The following CASK variants were observed in gnomAD, a reference collection of about 807,000 sequenced individuals.
CASK encodes peripheral plasma membrane protein CASK.
Under a neutral mutation model 82.9 loss-of-function variants are expected in CASK, and 4 were observed. The observed-to-expected ratio is 0.05, with a 90% CI of 0.02 to 0.11. The LOEUF is 0.11. CASK is among the 10% of genes least tolerant of loss of function. The pLI, the probability that CASK is intolerant of heterozygous loss-of-function variation, is 1.00. For missense variants in CASK, 358 were observed against 720.9 expected (o/e 0.50, Z 5.76); for synonymous variants, 259 against 253.5 (o/e 1.02, Z -0.20).
chrX:41,727,895 CA>C (rs1158686199), intron 5 of CASK: 11 of 1,204,589 alleles, frequency 9.1e-6, no homozygotes, highest in Non-Finnish European at 1.2e-5. Flanking sequence ...TTAATAGAAA[CA>C]AAAAACATTC....
chrX:41,548,537 T>TG (rs746199986), intron 21 of CASK, among the ~76,000 whole-genome samples: 2 of 111,865 alleles, frequency 1.8e-5, no homozygotes, highest in Admixed American at 9.6e-5. Context: ...TATTTTTGGT[T>TG]GGGGGAAAGA....
chrX:41,759,860 T>C (rs1298160941), intron 3 of CASK, among the ~76,000 whole-genome samples: 1 of 112,306 alleles, frequency 8.9e-6, no homozygotes, highest in Non-Finnish European at 1.9e-5. Flanking sequence ...TGAGAACTGT[T>C]CTAATGTCCA....
chrX:41,785,920 T>C (rs62589177), intron 3 of CASK, among the ~76,000 whole-genome samples: 18,235 of 111,471 alleles, frequency 0.16, 1,434 homozygotes, highest in Middle Eastern at 0.31. Context: ...GCTCATACTC[T>C]CACTTGTCCT....
At chrX:41,559,518 T>C in intron 18 of CASK, 1 of 376,591 alleles carries the variant, frequency 2.7e-6, no homozygotes, top group Non-Finnish European at 4.7e-6. Context: ...TTAAGCCTTA[T>C]GTCATCATTT....
At position 41,561,768 on chromosome X, in the gene CASK, G is replaced by A; in HGVS notation, c.1583-124C>T. On this transcript the variant is annotated intron_variant, in intron 16 of 26. Transcript: ENST00000378163. ...ATTGAGGGCCAATATTTCAGAGGCA[G>A]GTACAAGTTTGGTTGCAGCAGAATT... 1.6e-5 allele frequency: 9 copies of A among 548,922 alleles called. No homozygotes were observed. The South Asian group carries it at 2.3e-4, about 14-fold the overall frequency. 45.2% of individuals were successfully genotyped at this position (548,922 alleles called of 1,213,427 possible).
Position 41,923,071 on chromosome X carries a change from G to C in CASK, c.-83C>G. On this transcript the variant is annotated 5_prime_UTR_variant, in exon 1 of 27. Transcript: ENST00000378163. ...CCCAAGAGCTCAGTGCCCAGCCCCG[G>C]GATCGCCTCCTCCCCTCAGGACCCG... The C allele has an allele frequency of 1.1e-6, 1 of 909,748 alleles. No individual in the cohort carries two copies. Among genetic ancestry groups the C allele is most frequent in the Non-Finnish European group, 1.6e-6 (1 of 628,753 alleles). The allele number at this position is 909,748 out of a possible 1,213,427, so 75.0% of individuals were successfully genotyped here.
At chrX:41,646,946 G>A (rs1044271266) in intron 8 of CASK, among the ~76,000 whole-genome samples, 9 of 111,065 alleles carry the variant, frequency 8.1e-5, no homozygotes, top group African/African-American at 2.6e-4. Context: ...GTGCTACAGC[G>A]AATTCTAAAA....
At position 41,679,359 on chromosome X, in the gene CASK, A is replaced by G. The variant is rs139353977; in HGVS notation, c.430-7829T>C. 8.5e-3 allele frequency among the ~76,000 whole-genome samples: 948 copies of G among 111,639 alleles called. 13 individuals are homozygous for G. The highest frequency in any genetic ancestry group is 0.03 in the African/African-American group (913 of 30,704). On this transcript the variant is annotated intron_variant, in intron 5 of 26. Coordinates refer to ENST00000378163, the MANE Select transcript of CASK (RefSeq NM_001367721.1). The stretch of plus-strand genomic sequence containing the variant: ...TTGCCTATATTAGAACTTGATAGAC[A>G]CAAAACCGTAAGTATGTATTCTTTT...
At chrX:41,548,604 T>C (rs780199324) in intron 21 of CASK, among the ~76,000 whole-genome samples, 1 of 111,827 alleles carries the variant, frequency 8.9e-6, no homozygotes, top group East Asian at 2.8e-4. Flanking sequence ...CATCTCCATA[T>C]ATTACCCACG....
chrX:41,743,744 T>A (rs892125192), intron 4 of CASK: 2 of 295,576 alleles, frequency 6.8e-6, no homozygotes, highest in Non-Finnish European at 1.2e-5. Flanking sequence ...ATGCTATAAT[T>A]GTAAAAGAAA....
At position 41,519,711 on chromosome X, in the gene CASK, G is replaced by T. The variant is rs1177440555; in HGVS notation, c.*709C>A. ...TGTACTTTGCTGTAGATTACAGATTGTTTTGTCCAACACAGACACACCGAC... is the reference window on the plus strand; with the variant it reads ...TGTACTTTGCTGTAGATTACAGATTTTTTTGTCCAACACAGACACACCGAC... On this transcript the variant is annotated 3_prime_UTR_variant, in exon 27 of 27. Transcript: ENST00000378163. The T allele has an allele frequency of 1.8e-5, 2 of 110,632 alleles. No individual in the cohort carries two copies. Among genetic ancestry groups the T allele is most frequent in the African/African-American group, 6.6e-5 (2 of 30,354 alleles). 9.1% of individuals were successfully genotyped at this position (110,632 alleles called of 1,213,427 possible).
intron 5 of CASK, among the ~76,000 whole-genome samples, chrX:41,693,392 T>C (rs1044007153): frequency 5.4e-5 from 6 of 111,197 alleles, no homozygotes; most frequent in Non-Finnish European, 3.8e-5. Context: ...AGTGGGCAGA[T>C]CACCTGAGGT....
chrX:41,728,134 C>G (rs1387763117), intron 5 of CASK: 1 of 386,697 alleles, frequency 2.6e-6, no homozygotes, highest in African/African-American at 2.6e-5. Flanking sequence ...GCTTGGTTGA[C>G]AATAATCACC....
At chrX:41,702,013 A>G (rs777970011) in intron 5 of CASK, among the ~76,000 whole-genome samples, 1 of 112,668 alleles carries the variant, frequency 8.9e-6, no homozygotes, top group South Asian at 3.6e-4. Context: ...TTTATTTTAA[A>G]AAACATAAAT....
chrX:41,743,876 G>A (rs2068637004), intron 4 of CASK: 1 of 267,750 alleles, frequency 3.7e-6, no homozygotes. Flanking sequence ...GGGAGGTTGA[G>A]GCGTGCGGAT....
At chrX:41,528,003 A>G (rs967516891) in intron 25 of CASK, among the ~76,000 whole-genome samples, 5 of 112,647 alleles carry the variant, frequency 4.4e-5, no homozygotes, top group African/African-American at 1.6e-4. Flanking sequence ...GATAAGGTGA[A>G]CCATCTTAAG....
chrX:41,780,829 A>G (rs1225246353), intron 3 of CASK, among the ~76,000 whole-genome samples: 2 of 105,173 alleles, frequency 1.9e-5, no homozygotes, highest in Non-Finnish European at 3.9e-5. Flanking sequence ...TTGTATTTTT[A>G]GTAGAGACGG....
intron 2 of CASK, among the ~76,000 whole-genome samples, chrX:41,842,569 GA>G (rs375808137): frequency 3.0e-3 from 280 of 93,895 alleles, no homozygotes; most frequent in Admixed American, 3.4e-3. Flanking sequence ...CTGTCTCCAG[GA>G]AAAAAAAAAA....
intron 1 of CASK, among the ~76,000 whole-genome samples, chrX:41,917,755 A>T: frequency 8.9e-6 from 1 of 112,211 alleles, no homozygotes; most frequent in Middle Eastern, 4.6e-3. Context: ...AAAAGCAGAC[A>T]GGAAGAGACT....
Sources: gnomAD v4.1 joint callset for allele counts (sites outside exome capture counted in the v4.1 genomes callset) on GRCh38, gnomAD v4.1.1 for gene constraint, MANE v1.5 for transcripts, NCBI Gene and HGNC (gene_info 2026-07-23, HGNC 2026-07-21) for gene names.